The following SFMBT1 variants were observed in gnomAD, a reference collection of about 807,000 sequenced individuals.
SFMBT1 encodes the protein Scm like with four mbt domains 1, also known as scm-like with four MBT domains protein 1.
SFMBT1 carries 32 observed loss-of-function variants against 108.7 expected under a neutral mutation model. The observed-to-expected ratio is 0.29, with a 90% CI of 0.22 to 0.40. The LOEUF is 0.40. SFMBT1 is among the 10% of genes least tolerant of loss of function. The pLI is 1.00. For missense variants in SFMBT1, 816 were observed against 1,059.6 expected, an observed-to-expected ratio of 0.77 and a Z score of 3.19; for synonymous variants, 348 against 369.5, an observed-to-expected ratio of 0.94 and a Z score of 0.67.
chr3:53,023,874 C>T (rs1222798342), intron 1 of SFMBT1, among the ~76,000 whole-genome samples: 1 of 152,164 alleles, frequency 6.6e-6, no homozygotes, highest in Non-Finnish European at 1.5e-5. Flanking sequence ...CCTCCAAATT[C>T]AAAATTTATA....
intron 1 of SFMBT1, among the ~76,000 whole-genome samples, chr3:52,973,709 C>T (rs1446305863): frequency 3.9e-5 from 6 of 152,084 alleles, no homozygotes; most frequent in Admixed American, 3.3e-4. Flanking sequence ...CGGCTCACTG[C>T]AACCTCTGCC....
intron 1 of SFMBT1, among the ~76,000 whole-genome samples, chr3:52,992,323 T>G (rs1705166093): frequency 6.6e-6 from 1 of 152,218 alleles, no homozygotes; most frequent in Non-Finnish European, 1.5e-5. Flanking sequence ...TTGTTTATAA[T>G]ACAAAGGGTA....
At chr3:52,930,624 G>GA (rs5848968) in intron 7 of SFMBT1, among the ~76,000 whole-genome samples, 194 bp from the exon 8 acceptor site, 152,356 of 152,356 alleles carry the variant, frequency 1, 76,178 homozygotes, top group Non-Finnish European at 1. Context: ...AAAACACACA[G>GA]AAGTGCTTCT....
chr3:52,920,494 ATTAT>A (rs747599292), intron 12 of SFMBT1, 39 bp downstream of exon 12: 3 of 1,425,260 alleles, frequency 2.1e-6, no homozygotes, highest in Non-Finnish European at 3.0e-6. Context: ...CACACAGAAG[ATTAT>A]TTAACAATCA....
intron 1 of SFMBT1, among the ~76,000 whole-genome samples, chr3:52,982,268 T>C (rs1050409365): frequency 6.6e-6 from 1 of 152,144 alleles, no homozygotes; most frequent in Non-Finnish European, 1.5e-5. Flanking sequence ...GATTCCATTG[T>C]TATAGAAAAA....
Position 52,928,298 on chromosome 3 carries a change from C to T in SFMBT1, c.941G>A (p.Arg314His), listed in dbSNP as rs150560425. The T allele has an allele frequency of 1.2e-5, 19 of 1,613,976 alleles. No homozygotes were observed. The highest frequency in any genetic ancestry group is 2.2e-5 in the South Asian group (2 of 91,060). Residue 314 changes from arginine (R) to histidine (H), a missense_variant, in exon 9 of 21, where the codon CGT becomes CAT. Physicochemically the swap from Arg to His is conservative, Grantham distance 29. This residue lies in a region of SFMBT1 where 495 missense variants were observed against 607.4 expected (regional missense o/e 0.81). Transcript: ENST00000394752. ...KYFLVEMDDL[R>H]PENHARRSFV... ...GGATCGCCGTGCGTGGTTCTCAGGA[C>T]GCAAGTCATCCATTTCCACCAGAAA... is the stretch of plus-strand genomic sequence containing the variant.
In SFMBT1 at chr3:52,934,667, G is replaced by GT; in HGVS notation, c.453+145dup. 3.5e-6 allele frequency: 2 copies of GT among 566,468 alleles called. 1 individual carries two copies. Among genetic ancestry groups the GT allele is most frequent in the South Asian group, 5.8e-5 (2 of 34,384 alleles). The allele number at this position is 566,468 out of a possible 1,614,324, so 35.1% of individuals were successfully genotyped here. On this transcript the variant is annotated intron_variant, in intron 5 of 20. Coordinates refer to ENST00000394752, the MANE Select transcript of SFMBT1 (RefSeq NM_016329.4). ...AGCCACCAGTTTGCAACCTCTGAGG[G>GT]TAAGTTTAAACTTCCCAATACCTAT...
intron 1 of SFMBT1, among the ~76,000 whole-genome samples, chr3:53,023,588 C>T (rs553682085): frequency 6.6e-6 from 1 of 152,286 alleles, no homozygotes; most frequent in African/African-American, 2.4e-5. Context: ...CAGACTCTCC[C>T]TGCATCATCA....
At chr3:53,017,912 C>T (rs1023923522) in intron 1 of SFMBT1, among the ~76,000 whole-genome samples, 4 of 152,140 alleles carry the variant, frequency 2.6e-5, no homozygotes, top group African/African-American at 9.7e-5. Context: ...GAAGTCTATG[C>T]ATACTTAGAA....
intron 1 of SFMBT1, chr3:53,019,059 G>C (rs1699214567): frequency 6.6e-6 from 1 of 152,250 alleles, no homozygotes; most frequent in South Asian, 2.1e-4. Flanking sequence ...GGAGGCTGAG[G>C]TGGAAGTATT....
intron 1 of SFMBT1, among the ~76,000 whole-genome samples, chr3:52,992,884 T>C (rs1051832294): frequency 6.6e-6 from 1 of 152,196 alleles, no homozygotes; most frequent in Non-Finnish European, 1.5e-5. Context: ...CACCTTCATC[T>C]TTCTCTATGA....
At chr3:52,949,041 T>C (rs1415954458) in intron 3 of SFMBT1, among the ~76,000 whole-genome samples, 1 of 152,022 alleles carries the variant, frequency 6.6e-6, no homozygotes, top group Non-Finnish European at 1.5e-5. Context: ...GTTCCAAATA[T>C]TTCAAAGTTT....
At chr3:52,910,151 T>C (rs752059146) in intron 17 of SFMBT1, among the ~76,000 whole-genome samples, 3 of 152,152 alleles carry the variant, frequency 2.0e-5, no homozygotes, top group Non-Finnish European at 4.4e-5. Context: ...CCACCTTGCT[T>C]CACTGTTCCC....
intron 2 of SFMBT1, among the ~76,000 whole-genome samples, chr3:52,963,029 T>G (rs1704016859): frequency 6.6e-6 from 1 of 152,070 alleles, no homozygotes; most frequent in Non-Finnish European, 1.5e-5. Context: ...AGTTTCACTC[T>G]GTCACCCAGG....
At chr3:52,945,230 C>T (rs1418402686) in intron 3 of SFMBT1, among the ~76,000 whole-genome samples, 1 of 147,882 alleles carries the variant, frequency 6.8e-6, no homozygotes, top group African/African-American at 2.5e-5. Flanking sequence ...TCTTGTGATG[C>T]CAGAAAGTAA....
intron 1 of SFMBT1, among the ~76,000 whole-genome samples, chr3:52,995,888 A>T (rs1176582439): frequency 1.3e-5 from 2 of 149,268 alleles, no homozygotes; most frequent in East Asian, 4.0e-4. Flanking sequence ...CCTGGCCAAC[A>T]TGGTGAAACC....
chr3:52,916,260 C>G, intron 13 of SFMBT1, 46 bp from the exon 14 acceptor site: 1 of 1,552,014 alleles, frequency 6.4e-7, no homozygotes, highest in African/African-American at 1.4e-5. Flanking sequence ...TTCTTAAGAT[C>G]AGTAAAGTGT....
chr3:52,956,109 T>A (rs1022515853), intron 2 of SFMBT1, among the ~76,000 whole-genome samples: 2 of 152,140 alleles, frequency 1.3e-5, no homozygotes, highest in African/African-American at 2.4e-5. Context: ...AAAAACCACA[T>A]GATTATCTCA....
At chr3:52,906,393 G>T in intron 19 of SFMBT1, 152 bp from the exon 20 acceptor site, 1 of 1,040,220 alleles carries the variant, frequency 9.6e-7, no homozygotes, top group Non-Finnish European at 1.4e-6. Flanking sequence ...AGACCCACGT[G>T]CATCAGGTAC....
Sources: gnomAD v4.1 joint callset for allele counts (sites outside exome capture counted in the v4.1 genomes callset) on GRCh38, gnomAD v4.1.1 for gene constraint, gnomAD v4.1.1 regional missense constraint, MANE v1.5 for transcripts, NCBI Gene and HGNC (gene_info 2026-07-23, HGNC 2026-07-21) for gene names.